SORL1: variants seen among roughly 807,000 people sequenced by gnomAD.
The protein encoded by SORL1 is sortilin related receptor 1, also known as sortilin-related receptor.
In SORL1, 127 loss-of-function variants were observed where a neutral mutation model predicts 273.7. That is an observed-to-expected ratio of 0.46 (90% confidence interval 0.40 to 0.54). The LOEUF (loss-of-function observed/expected upper bound fraction) is 0.54, where lower values mean the gene tolerates loss of function less well. Among genes scored for constraint, SORL1 ranks in the 20% least tolerant of loss-of-function variants. The probability of loss-of-function intolerance (pLI) is 0.00; values close to 1 mark genes in which losing one functional copy is unlikely to be tolerated. For synonymous variants in SORL1, 1,031 were observed against 1,067.4 expected (o/e 0.97, Z 0.66); for missense variants, 2,494 against 2,846.1 (o/e 0.88, Z 2.81).
chr11:121,462,694 C>G (rs1861019896), intron 1 of SORL1, among the ~76,000 whole-genome samples: 2 of 152,194 alleles, frequency 1.3e-5, no homozygotes, highest in Non-Finnish European at 2.9e-5. Context: ...AAGCGATCCT[C>G]CCACCTCAGA....
chr11:121,532,431 G>A (rs1020111259), intron 11 of SORL1, 33 bp from the exon 12 acceptor site: 1 of 1,595,678 alleles, frequency 6.3e-7, no homozygotes, highest in Non-Finnish European at 8.6e-7. Flanking sequence ...TACCTCCACA[G>A]CAGTGGTGTC....
intron 12 of SORL1, among the ~76,000 whole-genome samples, chr11:121,539,760 A>G (rs1862319713): frequency 6.6e-6 from 1 of 152,218 alleles, no homozygotes; most frequent in Non-Finnish European, 1.5e-5. Context: ...AAGTTCTAGT[A>G]AAGATAGGAA....
chr11:121,540,522 CA>C (rs34608652), intron 12 of SORL1, among the ~76,000 whole-genome samples: 48 of 103,862 alleles, frequency 4.6e-4, no homozygotes, highest in Non-Finnish European at 5.4e-4. Flanking sequence ...ACTAAAAATA[CA>C]AAAAAAAAAA....
intron 27 of SORL1, among the ~76,000 whole-genome samples, chr11:121,586,990 G>A (rs1408485402): frequency 6.6e-6 from 1 of 152,096 alleles, no homozygotes; most frequent in East Asian, 1.9e-4. Context: ...CTAGCCTGTG[G>A]GCAAAATCCA....
intron 16 of SORL1, among the ~76,000 whole-genome samples, chr11:121,551,250 G>A (rs1862503718): frequency 6.6e-6 from 1 of 152,142 alleles, no homozygotes; most frequent in Admixed American, 6.5e-5. Context: ...TCTAGTAAGT[G>A]ACAAAGTTGA....
chr11:121,512,674 C>T lies in SORL1; in HGVS notation c.940-329C>T, dbSNP rs142820873. Among the ~76,000 whole-genome samples the T allele has an allele frequency of 1.0e-3, 153 of 152,312 alleles. 1 individual carries two copies. The highest frequency in any genetic ancestry group is 3.6e-3 in the African/African-American group (151 of 41,566). Reference sequence around the variant, plus strand: ...CCTGCGTGTTTCTTCAGCCTCATCACACAATCCTCTTTCTATCTCTTACTC... The same window carrying T: ...CCTGCGTGTTTCTTCAGCCTCATCATACAATCCTCTTTCTATCTCTTACTC... On this transcript the variant is annotated intron_variant, in intron 6 of 47. Coordinates refer to ENST00000260197, the MANE Select transcript of SORL1 (RefSeq NM_003105.6).
chr11:121,625,111 T>C lies in SORL1; in HGVS notation c.6198T>C (p.Ser2066=). 5.6e-6 allele frequency: 9 copies of C among 1,612,988 alleles called. No individual in the cohort carries two copies. The highest frequency in any genetic ancestry group is 1.1e-5 in the South Asian group (1 of 90,966). The part of the protein sequence containing the change: ...SRGYEIHMFD[S]AMNITAYLGN... ...GCTATGAGATACACATGTTTGATAGTGCCATGAATATCACAGCTTACCTTG... is the reference window on the plus strand; with the variant it reads ...GCTATGAGATACACATGTTTGATAGCGCCATGAATATCACAGCTTACCTTG... Residue 2066 remains serine (S), a synonymous_variant, in exon 46 of 48, where the codon AGT becomes AGC. Transcript: ENST00000260197.
chr11:121,579,784 T>A (rs568770082), intron 25 of SORL1, among the ~76,000 whole-genome samples: 21 of 152,236 alleles, frequency 1.4e-4, no homozygotes, highest in Non-Finnish European at 2.6e-4. Context: ...ACACAGGTAT[T>A]ACCAACTACC....
chr11:121,618,862 T>C lies in SORL1; in HGVS notation c.5693T>C (p.Ile1898Thr). 2.5e-6 allele frequency: 4 copies of C among 1,614,188 alleles called. No homozygotes were observed. Among genetic ancestry groups the C allele is most frequent in the Non-Finnish European group, 3.4e-6 (4 of 1,180,010 alleles). Reference sequence around the variant, plus strand: ...ACTTCACTCCACAACAAGACGGTCATTGTCAGTAAGGATGAGCAGTATTTG... The same window carrying C: ...ACTTCACTCCACAACAAGACGGTCACTGTCAGTAAGGATGAGCAGTATTTG... ...LTTSLHNKTVIVSKDEQYLFL... is the reference protein window; with the variant it reads ...LTTSLHNKTVTVSKDEQYLFL... Residue 1898 changes from isoleucine (I) to threonine (T), a missense_variant, in exon 42 of 48, where the codon ATT becomes ACT. Ile to Thr is a moderately conservative substitution (Grantham distance 89). This residue lies in a region of SORL1 where 1,609 missense variants were observed against 1,816.4 expected (regional missense o/e 0.89). Transcript: ENST00000260197.
intron 12 of SORL1, among the ~76,000 whole-genome samples, chr11:121,536,444 T>TA (rs1862268320): frequency 6.6e-6 from 1 of 150,602 alleles, no homozygotes; most frequent in East Asian, 1.9e-4. Flanking sequence ...TTTTTTTTTT[T>TA]TTCTGGAGTT....
At chr11:121,532,686 A>AAT in intron 12 of SORL1, 134 bp downstream of exon 12, 1 of 703,276 alleles carries the variant, frequency 1.4e-6, no homozygotes, top group Non-Finnish European at 2.3e-6. Flanking sequence ...TATGAGTTAA[A>AAT]CTTTTTTTTT....
chr11:121,559,562 G>A lies in SORL1; in HGVS notation c.2954G>A (p.Arg985Gln), dbSNP rs758501162. Residue 985 changes from arginine to glutamine, a missense_variant, in exon 21 of 48, where the codon CGA becomes CAA. Arg to Gln is a conservative substitution (Grantham distance 43). Transcript: ENST00000260197. The part of the protein sequence containing the change: ...WDDWSQLSIF[R>Q]ASKYSGSQME... Reference sequence around the variant, plus strand: ...GACTGGTCACAGCTCAGCATATTCCGAGCTTCCAAATACAGTGGGTCCCAG... The same window carrying A: ...GACTGGTCACAGCTCAGCATATTCCAAGCTTCCAAATACAGTGGGTCCCAG... 10 of 1,613,990 alleles carry A rather than the reference G, an allele frequency of 6.2e-6. No homozygotes were observed. The highest frequency in any genetic ancestry group is 5.5e-5 in the South Asian group (5 of 91,074).
chr11:121,543,567 G>C lies in SORL1; in HGVS notation c.1705G>C (p.Glu569Gln), dbSNP rs1338373870. The C allele has an allele frequency of 6.2e-7, 1 of 1,613,880 alleles. No homozygotes were observed. The highest frequency in any genetic ancestry group is 8.5e-7 in the Non-Finnish European group (1 of 1,179,870). Reference sequence around the variant, plus strand: ...GGGCAGATACAGTACCAATGAAGGGGAGACCTGGAAAACATTCATCTTCTC... The same window carrying C: ...GGGCAGATACAGTACCAATGAAGGGCAGACCTGGAAAACATTCATCTTCTC... ...NELKYSTNEG[E>Q]TWKTFIFSEK... Residue 569 changes from glutamate (E) to glutamine (Q), a missense_variant, in exon 13 of 48, where the codon GAG (glutamate) becomes CAG (glutamine). Physicochemically the swap from Glu to Gln is conservative, Grantham distance 29. Transcript: ENST00000260197.
At chr11:121,597,427 G>A (rs1863312729) in intron 32 of SORL1, among the ~76,000 whole-genome samples, 1 of 151,730 alleles carries the variant, frequency 6.6e-6, no homozygotes, top group Admixed American at 6.6e-5. Context: ...TCAGGTTTCT[G>A]GCAATACAAA....
chr11:121,562,649 A>G, intron 21 of SORL1, among the ~76,000 whole-genome samples: 1 of 152,062 alleles, frequency 6.6e-6, no homozygotes, highest in East Asian at 1.9e-4. Context: ...CCCTTATTTT[A>G]CTTCATGATG....
chr11:121,600,008 A>G (rs974596715), intron 32 of SORL1, among the ~76,000 whole-genome samples: 1 of 152,168 alleles, frequency 6.6e-6, no homozygotes, highest in African/African-American at 2.4e-5. Context: ...CTTCTTTACA[A>G]AGTCATTAAT....
chr11:121,497,056 T>A lies in SORL1; in HGVS notation c.939+7T>A. 2.5e-6 allele frequency: 4 copies of A among 1,611,286 alleles called. No individual in the cohort carries two copies. The highest frequency in any genetic ancestry group is 3.4e-6 in the Non-Finnish European group (4 of 1,178,740). On this transcript the variant is annotated splice_region_variant and intron_variant, in intron 6 of 47. Coordinates refer to ENST00000260197, the MANE Select transcript of SORL1 (RefSeq NM_003105.6). The stretch of plus-strand genomic sequence containing the variant: ...GTTTGCTACAAAGGTGGTGGTAAGT[T>A]GAATGTACTAAAGAATAAACTACTT...
At chr11:121,541,671 A>C (rs1294508433) in intron 12 of SORL1, among the ~76,000 whole-genome samples, 3 of 152,254 alleles carry the variant, frequency 2.0e-5, no homozygotes, top group Admixed American at 6.5e-5. Flanking sequence ...GGATTTAAGA[A>C]GGACCCAGAA....
chr11:121,589,108 T>C (rs1407184232), intron 28 of SORL1, 151 bp from the exon 29 acceptor site: 1 of 738,230 alleles, frequency 1.4e-6, no homozygotes, highest in Non-Finnish European at 2.4e-6. Flanking sequence ...CTGTTTAGAT[T>C]AGGTTTGGCT....
Sources: gnomAD v4.1 joint callset for allele counts (sites outside exome capture counted in the v4.1 genomes callset) on GRCh38, gnomAD v4.1.1 for gene constraint, gnomAD v4.1.1 regional missense constraint, MANE v1.5 for transcripts, NCBI Gene and HGNC (gene_info 2026-07-23, HGNC 2026-07-21) for gene names.